DLGAP1: variants seen among roughly 807,000 people sequenced by gnomAD.
DLGAP1 encodes the protein disks large-associated protein 1.
In DLGAP1, 11 loss-of-function variants were observed where a neutral mutation model predicts 90.8. The observed-to-expected ratio is 0.12, with a 90% CI of 0.08 to 0.20. The LOEUF (loss-of-function observed/expected upper bound fraction) is 0.20. Ranked by LOEUF, DLGAP1 falls within the 10% of genes least tolerant of loss-of-function variation. The pLI, the probability that DLGAP1 is intolerant of heterozygous loss-of-function variation, is 1.00. For missense variants in DLGAP1, 1,050 were observed against 1,333.8 expected, an observed-to-expected ratio of 0.79 and a Z score of 3.31; for synonymous variants, 558 against 540.7, an observed-to-expected ratio of 1.03 and a Z score of -0.44.
intron 9 of DLGAP1, among the ~76,000 whole-genome samples, chr18:3,536,596 A>G (rs762667169): frequency 9.9e-5 from 15 of 152,166 alleles, no homozygotes; most frequent in Non-Finnish European, 2.1e-4. Context: ...CCTTTCTCTT[A>G]GTCATACAGG....
chr18:4,408,563 C>T lies in DLGAP1; in HGVS notation c.-267+46443G>A, dbSNP rs150131291. On this transcript the variant is annotated intron_variant, in intron 1 of 12. Transcript: ENST00000315677. ...ACGTTGGTATAAGGGATATGGCATA[C>T]GAGACGTATTGGCATTTGGGACAGC... Among the ~76,000 whole-genome samples, 186 of 151,708 alleles carry T rather than the reference C, an allele frequency of 1.2e-3. 2 individuals carry two copies. The highest frequency in any genetic ancestry group is 4.6e-3 in the East Asian group (24 of 5,170).
chr18:4,139,671 T>C (rs969586335), intron 2 of DLGAP1, among the ~76,000 whole-genome samples: 6 of 152,034 alleles, frequency 3.9e-5, no homozygotes, highest in African/African-American at 1.4e-4. Flanking sequence ...TGTTTCTTTG[T>C]AGATTTTCTG....
chr18:4,417,940 G>C (rs1029481844), intron 1 of DLGAP1, among the ~76,000 whole-genome samples: 1 of 152,098 alleles, frequency 6.6e-6, no homozygotes, highest in African/African-American at 2.4e-5. Flanking sequence ...AGTGCTGCTT[G>C]GAGAGAAACA....
At position 3,914,674 on chromosome 18, in the gene DLGAP1, C is replaced by T. The variant is rs543906577; in HGVS notation, c.-72-34534G>A. On this transcript the variant is annotated intron_variant, in intron 3 of 12. Transcript: ENST00000315677. ...CATAGCAGCTGTACTATTTTATGTT[C>T]CCACCAATAGTGTACAAGGGTTCCC... Among the ~76,000 whole-genome samples the T allele has an allele frequency of 7.2e-5, 11 of 152,234 alleles. No homozygotes were observed. In the East Asian group the frequency reaches 2.1e-3, roughly 29 times the overall value.
intron 2 of DLGAP1, among the ~76,000 whole-genome samples, chr18:4,144,474 C>T (rs1317045732): frequency 6.6e-6 from 1 of 152,200 alleles, no homozygotes; most frequent in Non-Finnish European, 1.5e-5. Context: ...AGCCACAGGG[C>T]CCCTGCTGGG....
rs796890491 is a variant in DLGAP1, at chr18:3,977,436, T to G, written c.-73+27680A>C. The stretch of plus-strand genomic sequence containing the variant: ...TTAATGAATTATGTTTATTCTGTGT[T>G]TTTTTTTTTTTTTTTTTTGCTGAGT... On this transcript the variant is annotated intron_variant, in intron 3 of 12. Coordinates refer to ENST00000315677, the MANE Select transcript of DLGAP1 (RefSeq NM_004746.4). 4.9e-4 allele frequency among the ~76,000 whole-genome samples: 19 copies of G among 38,770 alleles called. 1 individual carries two copies. Among genetic ancestry groups the G allele is most frequent in the South Asian group, 4.6e-3 (6 of 1,304 alleles). The allele number at this position is 38,770 out of a possible 152,430, so 25.4% of individuals were successfully genotyped here.
At chr18:3,553,627 G>A (rs528811446) in intron 9 of DLGAP1, among the ~76,000 whole-genome samples, 10 of 152,162 alleles carry the variant, frequency 6.6e-5, no homozygotes, top group South Asian at 4.2e-4. Flanking sequence ...TCCGTCTTCC[G>A]GGTTCAAGCA....
chr18:4,100,665 A>G (rs929902477), intron 2 of DLGAP1, among the ~76,000 whole-genome samples: 3 of 152,120 alleles, frequency 2.0e-5, no homozygotes, highest in African/African-American at 7.2e-5. Context: ...TTCCTATACA[A>G]TGCTGTTTCA....
rs573649357 is a variant in DLGAP1, at chr18:3,688,473, T to TA, written c.1591+40661dup. 9.4e-4 allele frequency among the ~76,000 whole-genome samples: 141 copies of TA among 150,656 alleles called. No homozygotes were observed. The East Asian group carries it at 0.02, about 21-fold the overall frequency. On this transcript the variant is annotated intron_variant, in intron 7 of 12. Transcript: ENST00000315677. ...GATCAGTGAAATGCTGAAAAATTAT[T>TA]AAAAAAAAACAAAAGAAAAATGTGA...
chr18:3,934,026 T>C (rs1346118078), intron 3 of DLGAP1, among the ~76,000 whole-genome samples: 1 of 152,158 alleles, frequency 6.6e-6, no homozygotes, highest in African/African-American at 2.4e-5. Flanking sequence ...CCACACTCAG[T>C]AGGCAGCAGC....
At chr18:4,332,001 G>A (rs1259775682) in intron 1 of DLGAP1, among the ~76,000 whole-genome samples, 1 of 151,830 alleles carries the variant, frequency 6.6e-6, no homozygotes, top group Admixed American at 6.6e-5. Flanking sequence ...GGGGAAGACA[G>A]GCATCACTCC....
intron 2 of DLGAP1, among the ~76,000 whole-genome samples, chr18:4,061,328 T>G (rs988576534): frequency 5.9e-5 from 9 of 152,080 alleles, no homozygotes. Context: ...TTAAGTTAGA[T>G]AGGATAAAGC....
At chr18:3,511,336 T>C (rs898252677) in intron 10 of DLGAP1, among the ~76,000 whole-genome samples, 1 of 152,168 alleles carries the variant, frequency 6.6e-6, no homozygotes, top group Non-Finnish European at 1.5e-5. Context: ...ACTCACTCTG[T>C]GTGTGAGGTA....
intron 1 of DLGAP1, among the ~76,000 whole-genome samples, chr18:4,167,245 T>C (rs559706151): frequency 7.9e-5 from 12 of 152,154 alleles, no homozygotes; most frequent in African/African-American, 2.4e-4. Flanking sequence ...AAGATAATTA[T>C]TGATAGAGTA....
intron 2 of DLGAP1, among the ~76,000 whole-genome samples, chr18:4,123,187 G>A (rs2076180062): frequency 6.6e-6 from 1 of 152,154 alleles, no homozygotes; most frequent in Non-Finnish European, 1.5e-5. Context: ...GCCTATGTAG[G>A]TGGGTGGTGG....
intron 3 of DLGAP1, among the ~76,000 whole-genome samples, chr18:3,942,020 T>A (rs767656257): frequency 2.6e-5 from 4 of 152,186 alleles, no homozygotes; most frequent in Non-Finnish European, 5.9e-5. Context: ...TTTGAGATGA[T>A]GATGAAAATT....
intron 7 of DLGAP1, among the ~76,000 whole-genome samples, chr18:3,624,993 G>C (rs1037378129): frequency 8.5e-5 from 13 of 152,126 alleles, no homozygotes; most frequent in Non-Finnish European, 1.6e-4. Flanking sequence ...ATATGCAGAA[G>C]GGAAAAACCC....
intron 1 of DLGAP1, among the ~76,000 whole-genome samples, chr18:4,396,376 A>G (rs1373376492): frequency 6.6e-6 from 1 of 152,212 alleles, no homozygotes; most frequent in African/African-American, 2.4e-5. Context: ...GCAACTCTGC[A>G]GTAGAAGTGT....
In DLGAP1 at chr18:3,781,682, C is replaced by CT. The variant is rs565268509; in HGVS notation, c.1172+32376dup. On this transcript the variant is annotated intron_variant, in intron 5 of 12. Coordinates refer to ENST00000315677, the MANE Select transcript of DLGAP1 (RefSeq NM_004746.4). ...TACCTTGTGTGTATATGTTTGTGTC[C>CT]TTAGATAAGATTGTCTACAGCAGAG... Among the ~76,000 whole-genome samples, 449 of 152,192 alleles carry CT rather than the reference C, an allele frequency of 3.0e-3. 2 individuals are homozygous for CT. Among genetic ancestry groups the CT allele is most frequent in the African/African-American group, 0.01 (429 of 41,524 alleles).
Sources: gnomAD v4.1 joint callset for allele counts (sites outside exome capture counted in the v4.1 genomes callset) on GRCh38, gnomAD v4.1.1 for gene constraint, MANE v1.5 for transcripts, NCBI Gene and HGNC (gene_info 2026-07-23, HGNC 2026-07-21) for gene names.